NELL1: variants seen among roughly 807,000 people sequenced by gnomAD.
NELL1 encodes protein kinase C-binding protein NELL1.
A neutral mutation model predicts 107.4 loss-of-function variants in NELL1; 76 were observed. The observed-to-expected ratio is 0.71, with a 90% CI of 0.59 to 0.86. The LOEUF (loss-of-function observed/expected upper bound fraction) is 0.86. Among genes scored for constraint, NELL1 ranks in the 40% least tolerant of loss-of-function variants. The pLI is 0.00. For synonymous variants in NELL1, 353 were observed against 341.2 expected (o/e 1.03, Z -0.38); for missense variants, 1,024 against 1,005.5 (o/e 1.02, Z -0.25).
intron 13 of NELL1, among the ~76,000 whole-genome samples, chr11:21,171,254 T>C (rs1449423699): frequency 1.3e-5 from 2 of 151,720 alleles, no homozygotes; most frequent in East Asian, 3.9e-4. Context: ...TTTTCTTATC[T>C]CAAAAAATGA....
intron 3 of NELL1, among the ~76,000 whole-genome samples, chr11:20,828,514 C>T (rs1590331575): frequency 6.6e-6 from 1 of 152,084 alleles, no homozygotes; most frequent in Admixed American, 6.5e-5. Context: ...AAAATTTAAC[C>T]TAGGGAGCTT....
Position 21,327,166 on chromosome 11 carries a change from T to TGG in NELL1, c.1550-43687_1550-43686insGG, listed in dbSNP as rs1565169843. Among the ~76,000 whole-genome samples, 4 of 133,684 alleles carry TGG rather than the reference T, an allele frequency of 3.0e-5. No individual in the cohort carries two copies. The East Asian group carries it at 9.2e-4, about 31-fold the overall frequency. 87.7% of individuals were successfully genotyped at this position (133,684 alleles called of 152,430 possible). ...TGAGTTCTCATGAGATCTGATGTTTTTTTTTTTTTTTTGTGGGGGGGACTG... is the reference window on the plus strand; with the variant it reads ...TGAGTTCTCATGAGATCTGATGTTTTGGTTTTTTTTTTTTGTGGGGGGGACTG... On this transcript the variant is annotated intron_variant, in intron 14 of 19. Transcript: ENST00000357134.
intron 2 of NELL1, among the ~76,000 whole-genome samples, chr11:20,772,437 C>T (rs533016459): frequency 1.3e-5 from 2 of 152,274 alleles, no homozygotes; most frequent in South Asian, 4.1e-4. Flanking sequence ...GATTCTTCAT[C>T]TTTAAAGTGA....
At chr11:21,453,430 G>A (rs1853637657) in intron 15 of NELL1, among the ~76,000 whole-genome samples, 1 of 151,938 alleles carries the variant, frequency 6.6e-6, no homozygotes, top group Admixed American at 6.6e-5. Context: ...TTTCATTACT[G>A]TATGCATGGT....
intron 4 of NELL1, among the ~76,000 whole-genome samples, chr11:20,862,093 GCCTT>G (rs1344767270): frequency 2.6e-5 from 4 of 152,328 alleles, no homozygotes; most frequent in African/African-American, 9.6e-5. Flanking sequence ...CTTTGATTCT[GCCTT>G]CCTTGGCATT....
chr11:21,525,733 A>G (rs1346773851), intron 15 of NELL1, among the ~76,000 whole-genome samples: 1 of 152,222 alleles, frequency 6.6e-6, no homozygotes, highest in Non-Finnish European at 1.5e-5. Flanking sequence ...GTCAAGTCTC[A>G]CATGGTGGAG....
At chr11:21,271,400 A>G (rs945878641) in intron 14 of NELL1, among the ~76,000 whole-genome samples, 16 of 152,198 alleles carry the variant, frequency 1.1e-4, no homozygotes, top group African/African-American at 2.7e-4. Context: ...AAATGAACCA[A>G]TTTCTTGAAA....
At chr11:20,789,153 G>A (rs1857025708) in intron 3 of NELL1, among the ~76,000 whole-genome samples, 1 of 152,262 alleles carries the variant, frequency 6.6e-6, no homozygotes, top group Admixed American at 6.5e-5. Flanking sequence ...TTTTGCTAGG[G>A]CCCACTGGGC....
intron 14 of NELL1, among the ~76,000 whole-genome samples, chr11:21,273,383 C>G (rs1002979048): frequency 2.0e-5 from 3 of 152,154 alleles, no homozygotes; most frequent in African/African-American, 7.2e-5. Flanking sequence ...AACAAAGCCT[C>G]CAAGAAATAT....
intron 4 of NELL1, among the ~76,000 whole-genome samples, chr11:20,863,670 GC>G (rs1318694545): frequency 6.6e-6 from 1 of 151,794 alleles, no homozygotes; most frequent in Non-Finnish European, 1.5e-5. Flanking sequence ...ACGATGGGCA[GC>G]CAGGCAGAGA....
At chr11:20,775,295 G>T (rs113781770) in intron 2 of NELL1, among the ~76,000 whole-genome samples, 237 of 152,152 alleles carry the variant, frequency 1.6e-3, no homozygotes, top group African/African-American at 5.5e-3. Context: ...ATGTACTATT[G>T]TATACCTGTT....
chr11:21,421,978 T>TA (rs1213468786), intron 15 of NELL1, among the ~76,000 whole-genome samples: 1 of 152,154 alleles, frequency 6.6e-6, no homozygotes, highest in African/African-American at 2.4e-5. Flanking sequence ...GGCCATTGTG[T>TA]AGGGGCCTGA....
intron 2 of NELL1, among the ~76,000 whole-genome samples, chr11:20,731,336 ATTATG>A (rs2133922091): frequency 6.6e-6 from 1 of 152,340 alleles, no homozygotes; most frequent in African/African-American, 2.4e-5. Context: ...ATAGGAAATT[ATTATG>A]TTGGGTTTAC....
At chr11:21,160,584 G>A (rs953388869) in intron 13 of NELL1, among the ~76,000 whole-genome samples, 4 of 151,998 alleles carry the variant, frequency 2.6e-5, no homozygotes, top group Non-Finnish European at 4.4e-5. Context: ...TACAACTGGC[G>A]CTTATATCTG....
chr11:21,024,883 C>A (rs139486634), intron 12 of NELL1, among the ~76,000 whole-genome samples: 1 of 152,180 alleles, frequency 6.6e-6, no homozygotes, highest in Non-Finnish European at 1.5e-5. Context: ...ATGAAATGTC[C>A]TCTGTCCGTT....
At chr11:21,437,206 G>C (rs1485933516) in intron 15 of NELL1, among the ~76,000 whole-genome samples, 1 of 152,084 alleles carries the variant, frequency 6.6e-6, no homozygotes, top group African/African-American at 2.4e-5. Context: ...GATCAAAGTG[G>C]AATGTTGAAG....
In NELL1 at chr11:21,573,235, G is replaced by A; in HGVS notation, c.2208G>A (p.Glu736=). The change falls in exon 19 of 20, where the codon GAG becomes GAA. Residue 736 remains glutamate, a synonymous_variant. Transcript: ENST00000357134. ...WPLTCPNLSC[E]YTAILEGECC... ...TCACTTGCCCCAACTTGAGCTGTGA[G>A]TATACAGCTATCTTAGAAGGGGAAT... 1 of 1,612,400 alleles carries A rather than the reference G, an allele frequency of 6.2e-7. No homozygotes were observed. Among genetic ancestry groups the A allele is most frequent in the Non-Finnish European group, 8.5e-7 (1 of 1,178,978 alleles).
intron 4 of NELL1, among the ~76,000 whole-genome samples, chr11:20,863,388 C>A (rs183651137): frequency 4.3e-4 from 27 of 62,218 alleles, no homozygotes; most frequent in South Asian, 2.1e-3. Context: ...CCCTCCTGGA[C>A]GGGGTGGCTG....
chr11:21,217,730 T>A (rs1901943), intron 13 of NELL1, among the ~76,000 whole-genome samples: 84,980 of 152,092 alleles, frequency 0.56, 23,832 homozygotes, highest in East Asian at 0.61. Flanking sequence ...TACAATTTTT[T>A]AAGATATGTA....
Sources: gnomAD v4.1 joint callset for allele counts (sites outside exome capture counted in the v4.1 genomes callset) on GRCh38, gnomAD v4.1.1 for gene constraint, MANE v1.5 for transcripts, NCBI Gene and HGNC (gene_info 2026-07-23, HGNC 2026-07-21) for gene names.